GABRG1: variants seen among roughly 807,000 people sequenced by gnomAD.
GABRG1 encodes gamma-aminobutyric acid receptor subunit gamma-1.
In GABRG1, 49 loss-of-function variants were observed where a neutral mutation model predicts 49.8. That is an observed-to-expected ratio of 0.98 (90% confidence interval 0.78 to 1.25). The LOEUF (loss-of-function observed/expected upper bound fraction) is 1.25. GABRG1 is among the 50% of genes most tolerant of loss of function. The probability of loss-of-function intolerance (pLI) is 0.00; values close to 1 mark genes in which losing one functional copy is unlikely to be tolerated. For synonymous variants in GABRG1, 232 were observed against 185.1 expected (o/e 1.25, Z -2.06); for missense variants, 552 against 552.3 (o/e 1.00, Z 0.01).
chr4:46,090,920 G>A (rs902985971), intron 2 of GABRG1, among the ~76,000 whole-genome samples: 1 of 143,374 alleles, frequency 7.0e-6, no homozygotes, highest in Non-Finnish European at 1.5e-5. Flanking sequence ...GGACAGCTAG[G>A]ACTTCCCTGG....
intron 1 of GABRG1, among the ~76,000 whole-genome samples, chr4:46,098,113 C>T (rs1720244821): frequency 6.6e-6 from 1 of 151,672 alleles, no homozygotes; most frequent in African/African-American, 2.4e-5. Context: ...TATTTATCAG[C>T]AAAACTGAGA....
chr4:46,105,294 A>G lies in GABRG1; in HGVS notation c.105-7945T>C, dbSNP rs151071414. Among the ~76,000 whole-genome samples the G allele has an allele frequency of 3.2e-3, 484 of 151,574 alleles. 1 individual carries two copies. Among genetic ancestry groups the G allele is most frequent in the African/African-American group, 0.011 (473 of 41,442 alleles). ...GCGAAAGAAAATTAAAGTGAAAAAG[A>G]AAAAAAGAAAACGAAAAAACCAAAC... On this transcript the variant is annotated intron_variant, in intron 1 of 8. Transcript: ENST00000295452.
chr4:46,053,567 A>G (rs1718319569), intron 7 of GABRG1, among the ~76,000 whole-genome samples: 2 of 151,918 alleles, frequency 1.3e-5, no homozygotes, highest in Non-Finnish European at 2.9e-5. Flanking sequence ...CCTTTGCCTC[A>G]TCTCCCACAC....
Position 46,116,301 on chromosome 4 carries a change from G to A in GABRG1, c.104+7509C>T, listed in dbSNP as rs1720884077. Among the ~76,000 whole-genome samples the A allele has an allele frequency of 2.0e-5, 3 of 150,648 alleles. No individual in the cohort carries two copies. In the Admixed American group the frequency reaches 2.0e-4, roughly 10 times the overall value. On this transcript the variant is annotated intron_variant, in intron 1 of 8. Transcript: ENST00000295452. ...ATAGTCTATTTAAAAAATGAACACT[G>A]AATAGACAATATATTGAAATTATCA... is the stretch of plus-strand genomic sequence containing the variant.
chr4:46,117,498 T>G (rs978200387), intron 1 of GABRG1, among the ~76,000 whole-genome samples: 2 of 149,212 alleles, frequency 1.3e-5, no homozygotes, highest in Non-Finnish European at 3.0e-5. Context: ...TACAAAAAAT[T>G]CTACCAAACT....
intron 8 of GABRG1, 24 bp from the exon 9 acceptor site, chr4:46,041,278 T>G: frequency 6.2e-7 from 1 of 1,602,148 alleles, no homozygotes; most frequent in Non-Finnish European, 8.5e-7. Context: ...TAAATGAATT[T>G]TTGACATCAA....
chr4:46,099,235 T>C (rs1261663010), intron 1 of GABRG1, among the ~76,000 whole-genome samples: 1 of 151,700 alleles, frequency 6.6e-6, no homozygotes, highest in Non-Finnish European at 1.5e-5. Context: ...GGTCTGACCC[T>C]GTGATTGACT....
In GABRG1 at chr4:46,077,466, A is replaced by C. The variant is rs543545454; in HGVS notation, c.321+6520T>G. ...AGATATAATATTTCAGGATATTTTA[A>C]ATTTTTTCTTCTATCTAAATTAAAT... On this transcript the variant is annotated intron_variant, in intron 3 of 8. Transcript: ENST00000295452. Among the ~76,000 whole-genome samples, 164 of 152,084 alleles carry C rather than the reference A, an allele frequency of 1.1e-3. 2 individuals are homozygous for C. In the South Asian group the frequency reaches 0.034, roughly 31 times the overall value.
intron 8 of GABRG1, among the ~76,000 whole-genome samples, chr4:46,044,576 A>G (rs996546190): frequency 6.6e-6 from 1 of 152,152 alleles, no homozygotes; most frequent in African/African-American, 2.4e-5. Flanking sequence ...AGTACAAAAA[A>G]CAGATGGAAA....
At chr4:46,071,178 G>A (rs945377658) in intron 3 of GABRG1, among the ~76,000 whole-genome samples, 1 of 151,810 alleles carries the variant, frequency 6.6e-6, no homozygotes, top group African/African-American at 2.4e-5. Flanking sequence ...ACACAATTAT[G>A]CACAGTGCAT....
intron 1 of GABRG1, among the ~76,000 whole-genome samples, chr4:46,101,282 A>T (rs151188202): frequency 6.6e-6 from 1 of 151,630 alleles, no homozygotes. Context: ...TTGAAGACAT[A>T]TTTTCTGCTT....
At chr4:46,087,298 A>T (rs1719806257) in intron 2 of GABRG1, among the ~76,000 whole-genome samples, 1 of 151,654 alleles carries the variant, frequency 6.6e-6, no homozygotes, top group Non-Finnish European at 1.5e-5. Flanking sequence ...TATTGAGACA[A>T]TTGGGAAGTG....
chr4:46,095,755 A>T (rs1720145019), intron 2 of GABRG1, among the ~76,000 whole-genome samples: 1 of 151,888 alleles, frequency 6.6e-6, no homozygotes, highest in Non-Finnish European at 1.5e-5. Flanking sequence ...TGAAAAATCT[A>T]CTCAATAAAG....
At chr4:46,098,562 G>T (rs751498341) in intron 1 of GABRG1, among the ~76,000 whole-genome samples, 3 of 151,568 alleles carry the variant, frequency 2.0e-5, no homozygotes, top group Non-Finnish European at 4.4e-5. Flanking sequence ...CCTTTTATCC[G>T]TAAACTCTCA....
At chr4:46,113,255 T>C (rs991904234) in intron 1 of GABRG1, among the ~76,000 whole-genome samples, 1 of 151,066 alleles carries the variant, frequency 6.6e-6, no homozygotes, top group African/African-American at 2.4e-5. Context: ...TCAGTATAAC[T>C]GGGAAGGCTT....
intron 3 of GABRG1, among the ~76,000 whole-genome samples, chr4:46,068,210 A>T (rs1342625963): frequency 2.0e-5 from 3 of 152,158 alleles, no homozygotes; most frequent in Non-Finnish European, 4.4e-5. Context: ...TGCCAGAATT[A>T]TGTTGTACTG....
chr4:46,109,600 A>AT (rs1720658050), intron 1 of GABRG1, among the ~76,000 whole-genome samples: 1 of 151,186 alleles, frequency 6.6e-6, no homozygotes, highest in Admixed American at 6.6e-5. Context: ...CCCAGGTGCG[A>AT]TGTTACATAA....
chr4:46,091,704 C>G (rs890032362), intron 2 of GABRG1, among the ~76,000 whole-genome samples: 1 of 151,878 alleles, frequency 6.6e-6, no homozygotes, highest in Non-Finnish European at 1.5e-5. Flanking sequence ...AATGACATAG[C>G]AGAGGTCAAA....
intron 1 of GABRG1, among the ~76,000 whole-genome samples, chr4:46,102,122 T>G (rs751637620): frequency 2.8e-4 from 43 of 151,764 alleles, no homozygotes; most frequent in Admixed American, 6.6e-4. Flanking sequence ...AATTATAAAA[T>G]GAATAACTAA....
Sources: gnomAD v4.1 joint callset for allele counts (sites outside exome capture counted in the v4.1 genomes callset) on GRCh38, gnomAD v4.1.1 for gene constraint, MANE v1.5 for transcripts, NCBI Gene and HGNC (gene_info 2026-07-23, HGNC 2026-07-21) for gene names.